Variants in SEC14L2 observed in about 807,000 individuals in gnomAD.
SEC14L2 encodes the protein SEC14 like lipid binding 2, also known as SEC14-like protein 2.
SEC14L2 carries 50 observed loss-of-function variants against 56.9 expected under a neutral mutation model. The ratio of observed to expected loss-of-function variants is 0.88; its 90% confidence interval spans 0.70 to 1.11. The LOEUF (loss-of-function observed/expected upper bound fraction) is 1.11, where lower values mean the gene tolerates loss of function less well. Ranked by LOEUF, SEC14L2 falls within the 50% of genes most tolerant of loss-of-function variation. SEC14L2 has a pLI of 0.00. For synonymous variants in SEC14L2, 179 were observed against 188.5 expected (o/e 0.95, Z 0.41); for missense variants, 414 against 500.7 (o/e 0.83, Z 1.65).
At position 30,424,195 on chromosome 22, in the gene SEC14L2, A is replaced by T. The variant is rs1386570371; in HGVS notation, c.*1788A>T. On this transcript the variant is annotated 3_prime_UTR_variant, in exon 12 of 12. Coordinates refer to ENST00000615189, the MANE Select transcript of SEC14L2 (RefSeq NM_012429.5). ...AGTCCGGGCGAGCGCCTGCGGAGCT[A>T]GCACTGGGCCCAGAATGAGAGGGAG... 6.3e-6 allele frequency: 1 copy of T among 157,718 alleles called. No individual in the cohort carries two copies. The highest frequency in any genetic ancestry group is 1.4e-5 in the Non-Finnish European group (1 of 70,850). The allele number at this position is 157,718 out of a possible 1,614,324, so 9.8% of individuals were successfully genotyped here. A position where few individuals can be genotyped will look rare whatever the true frequency, so the allele number is the denominator to read the frequency against.
intron 1 of SEC14L2, chr22:30,397,582 A>G: frequency 7.6e-6 from 2 of 264,090 alleles, no homozygotes; most frequent in South Asian, 4.0e-5. Flanking sequence ...CACGATGGAA[A>G]GGGCTCTGGA....
intron 2 of SEC14L2, among the ~76,000 whole-genome samples, chr22:30,403,085 T>G (rs769657067): frequency 2.6e-5 from 4 of 151,878 alleles, no homozygotes; most frequent in Non-Finnish European, 4.4e-5. Flanking sequence ...TCAAAGAAAA[T>G]AAAACAAAAC....
intron 11 of SEC14L2, among the ~76,000 whole-genome samples, chr22:30,417,837 C>A (rs1183124598): frequency 6.6e-6 from 1 of 152,030 alleles, no homozygotes; most frequent in Non-Finnish European, 1.5e-5. Context: ...GTCACCCAAC[C>A]TGAGATTTTG....
chr22:30,413,748 G>C (rs1386258856), intron 8 of SEC14L2, among the ~76,000 whole-genome samples: 1 of 151,950 alleles, frequency 6.6e-6, no homozygotes, highest in Non-Finnish European at 1.5e-5. Flanking sequence ...CATCAGGGAA[G>C]TGTAGGACTT....
At chr22:30,403,759 T>G (rs1934005202) in intron 2 of SEC14L2, among the ~76,000 whole-genome samples, 1 of 152,010 alleles carries the variant, frequency 6.6e-6, no homozygotes, top group Non-Finnish European at 1.5e-5. Context: ...ATCCCAGCAC[T>G]TTGGGAGGCC....
chr22:30,408,589 A>C (rs1447005901), intron 5 of SEC14L2, among the ~76,000 whole-genome samples: 2 of 152,336 alleles, frequency 1.3e-5, no homozygotes, highest in Middle Eastern at 3.4e-3. Flanking sequence ...TGCGCCAAAA[A>C]AAATAAGGAT....
chr22:30,405,048 T>G (rs191929196), intron 2 of SEC14L2, among the ~76,000 whole-genome samples: 1 of 150,800 alleles, frequency 6.6e-6, no homozygotes, highest in Non-Finnish European at 1.5e-5. Context: ...CCAGCCTGGA[T>G]GACAAGAGCG....
chr22:30,424,298 G>A lies in SEC14L2; in HGVS notation c.*1891G>A, dbSNP rs1005054423. The A allele has an allele frequency of 6.2e-6, 1 of 162,004 alleles. No individual in the cohort carries two copies. The highest frequency in any genetic ancestry group is 1.4e-4 in the South Asian group (1 of 7,328). 10.0% of individuals were successfully genotyped at this position (162,004 alleles called of 1,614,324 possible). ...AGCATTGCCGGTGTTTCAGGGGGTG[G>A]GAACCGCTGCGTTCCCCATCAACTT... On this transcript the variant is annotated 3_prime_UTR_variant, in exon 12 of 12. Transcript: ENST00000615189.
intron 11 of SEC14L2, among the ~76,000 whole-genome samples, chr22:30,418,257 G>A (rs1934435958): frequency 1.3e-5 from 2 of 152,054 alleles, no homozygotes; most frequent in Non-Finnish European, 2.9e-5. Flanking sequence ...CTGGGGCATA[G>A]AGAAGGGATG....
intron 11 of SEC14L2, 188 bp downstream of exon 11, chr22:30,416,591 G>T: frequency 3.4e-6 from 5 of 1,478,058 alleles, no homozygotes; most frequent in Non-Finnish European, 4.5e-6. Context: ...GACCCAACTG[G>T]TTAACAGCAG....
intron 1 of SEC14L2, 141 bp downstream of exon 1, chr22:30,397,311 G>A (rs2145997834): frequency 1.3e-6 from 1 of 762,514 alleles, no homozygotes; most frequent in Non-Finnish European, 2.0e-6. Flanking sequence ...TCCCAGCCTG[G>A]CCCGCGCCCG....
rs376954178 is a variant in SEC14L2, at chr22:30,410,639, C to T, written c.624C>T (p.Phe208=). 3.1e-6 allele frequency: 5 copies of T among 1,614,240 alleles called. No homozygotes were observed. The highest frequency in any genetic ancestry group is 2.7e-5 in the African/African-American group (2 of 75,072). The part of the protein sequence containing the change: ...FPVAYNLIKP[F]LSEDTRKKIM... ...TGGCCTATAACCTCATCAAACCCTTCCTGAGTGAGGACACTCGTAAGAAGA... is the reference window on the plus strand; with the variant it reads ...TGGCCTATAACCTCATCAAACCCTTTCTGAGTGAGGACACTCGTAAGAAGA... Residue 208 remains phenylalanine, a synonymous_variant, in exon 8 of 12, where the codon TTC becomes TTT. Transcript: ENST00000615189.
At chr22:30,409,912 A>G (rs1210789339) in intron 7 of SEC14L2, among the ~76,000 whole-genome samples, 1 of 142,164 alleles carries the variant, frequency 7.0e-6, no homozygotes, top group African/African-American at 2.6e-5. Context: ...AAAAATAAAA[A>G]TAGGGCTAGG....
At position 30,406,397 on chromosome 22, in the gene SEC14L2, T is replaced by G. The variant is rs779809922; in HGVS notation, c.174+12T>G. 3 of 1,613,932 alleles carry G rather than the reference T, an allele frequency of 1.9e-6. No individual in the cohort carries two copies. The highest frequency in any genetic ancestry group is 2.5e-6 in the Non-Finnish European group (3 of 1,179,838). On this transcript the variant is annotated intron_variant, in intron 3 of 11. Transcript: ENST00000615189. ...CCATGCTCCGGAAGGTGAGACACAT[T>G]TGGCTGTTGCTTCAGTTCCTCCCCA...
At chr22:30,410,750 G>T in intron 8 of SEC14L2, 71 bp downstream of exon 8, 2 of 1,430,684 alleles carry the variant, frequency 1.4e-6, no homozygotes, top group Non-Finnish European at 2.0e-6. Context: ...CTTTAGGGGT[G>T]TGGCCGTAGC....
intron 1 of SEC14L2, chr22:30,397,880 G>C: frequency 2.1e-6 from 1 of 471,106 alleles, no homozygotes; most frequent in South Asian, 1.5e-5. Flanking sequence ...GGTGAGCCTG[G>C]CTTTGCCTTG....
intron 8 of SEC14L2, among the ~76,000 whole-genome samples, chr22:30,412,591 A>G (rs1044602860): frequency 1.3e-5 from 2 of 152,122 alleles, no homozygotes; most frequent in Non-Finnish European, 2.9e-5. Flanking sequence ...TGGGAGGCCC[A>G]AGTGGGTGGA....
chr22:30,413,202 G>A (rs1452969324), intron 8 of SEC14L2, among the ~76,000 whole-genome samples: 2 of 152,182 alleles, frequency 1.3e-5, no homozygotes, highest in Non-Finnish European at 2.9e-5. Flanking sequence ...TCAAGAGCAG[G>A]CAGAGAAAGC....
intron 2 of SEC14L2, among the ~76,000 whole-genome samples, chr22:30,406,017 G>A (rs190678937): frequency 8.5e-5 from 13 of 152,156 alleles, no homozygotes; most frequent in Non-Finnish European, 1.5e-4. Flanking sequence ...AAGAGGATCC[G>A]GGGTTCATTT....
Sources: allele counts gnomAD v4.1 joint callset (sites outside exome capture counted in the v4.1 genomes callset), GRCh38; gene constraint gnomAD v4.1.1; transcripts MANE v1.5; gene names NCBI Gene and HGNC (gene_info 2026-07-23, HGNC 2026-07-21).